The following OPCML variants were observed in gnomAD, a reference collection of about 807,000 sequenced individuals.
The protein encoded by OPCML is opioid binding protein/cell adhesion molecule like.
OPCML carries 13 observed loss-of-function variants against 37.8 expected under a neutral mutation model. The ratio of observed to expected loss-of-function variants is 0.34; its 90% CI spans 0.22 to 0.55. OPCML has a LOEUF of 0.55. OPCML is among the 20% of genes least tolerant of loss of function. OPCML has a pLI of 0.91. For synonymous variants in OPCML, 176 were observed against 168.8 expected (o/e 1.04, Z -0.33); for missense variants, 341 against 435.6 (o/e 0.78, Z 1.93).
At chr11:133,523,816 C>G (rs1948437968) in intron 1 of OPCML, among the ~76,000 whole-genome samples, 1 of 152,148 alleles carries the variant, frequency 6.6e-6, no homozygotes, top group South Asian at 2.1e-4. Flanking sequence ...TTCCTTTGGT[C>G]TTTGCTCTTG....
chr11:132,465,833 C>T (rs1434922828), intron 4 of OPCML, among the ~76,000 whole-genome samples: 3 of 152,040 alleles, frequency 2.0e-5, no homozygotes, highest in Non-Finnish European at 4.4e-5. Flanking sequence ...TTTTGGAATT[C>T]ACTTTGAAGT....
At chr11:132,857,916 G>T (rs1417132065) in intron 2 of OPCML, among the ~76,000 whole-genome samples, 1 of 152,116 alleles carries the variant, frequency 6.6e-6, no homozygotes, top group African/African-American at 2.4e-5. Flanking sequence ...TGTGAGAATT[G>T]CTGCTCTAAG....
intron 4 of OPCML, among the ~76,000 whole-genome samples, chr11:132,489,829 A>C (rs924369156): frequency 6.6e-6 from 1 of 151,852 alleles, no homozygotes; most frequent in Non-Finnish European, 1.5e-5. Flanking sequence ...TGCTCATGCT[A>C]TTCCTCCCCT....
At chr11:132,655,147 G>A (rs1350613420) in intron 3 of OPCML, among the ~76,000 whole-genome samples, 1 of 152,242 alleles carries the variant, frequency 6.6e-6, no homozygotes, top group African/African-American at 2.4e-5. Flanking sequence ...TTCTTGAAAA[G>A]GGATAGGCTT....
chr11:132,662,412 C>CG (rs1942016896), intron 2 of OPCML, among the ~76,000 whole-genome samples: 1 of 119,958 alleles, frequency 8.3e-6, no homozygotes, highest in South Asian at 2.8e-4. Flanking sequence ...TTTGAAAATG[C>CG]AAAAAAAAAA....
At chr11:132,876,658 G>A (rs755347720) in intron 2 of OPCML, among the ~76,000 whole-genome samples, 9 of 152,076 alleles carry the variant, frequency 5.9e-5, no homozygotes, top group Non-Finnish European at 8.8e-5. Flanking sequence ...TAATATAAAT[G>A]TCCCAATGGT....
chr11:132,496,030 T>C (rs946891756), intron 4 of OPCML, among the ~76,000 whole-genome samples: 2 of 151,988 alleles, frequency 1.3e-5, no homozygotes, highest in African/African-American at 4.8e-5. Context: ...AGAATAAAAA[T>C]CAGCCCATGT....
At chr11:132,922,833 G>A (rs954189588) in intron 2 of OPCML, among the ~76,000 whole-genome samples, 3 of 152,138 alleles carry the variant, frequency 2.0e-5, no homozygotes, top group African/African-American at 7.2e-5. Context: ...AGCACTTCGG[G>A]AGGCTGAGGT....
intron 2 of OPCML, among the ~76,000 whole-genome samples, chr11:132,899,937 G>A (rs568969973): frequency 6.6e-6 from 1 of 152,100 alleles, no homozygotes; most frequent in African/African-American, 2.4e-5. Context: ...CCCACCCCAG[G>A]ATCTCAGGCC....
chr11:133,190,385 A>G (rs1399543313), intron 1 of OPCML, among the ~76,000 whole-genome samples: 2 of 152,172 alleles, frequency 1.3e-5, no homozygotes, highest in Admixed American at 6.5e-5. Context: ...TTGAATGACC[A>G]TCACCATGAA....
Position 133,215,234 on chromosome 11 carries a change from G to A in OPCML, c.62-272224C>T, listed in dbSNP as rs1334206871. ...TGTGTGTGTGAGAGAGAGAGAGAGA[G>A]AGGAAGGCCTGATAATTTGAGACTT... On this transcript the variant is annotated intron_variant, in intron 1 of 7. Transcript: ENST00000524381. 9.9e-5 allele frequency among the ~76,000 whole-genome samples: 15 copies of A among 152,156 alleles called. 1 individual carries two copies. Among genetic ancestry groups the A allele is most frequent in the Admixed American group, 9.2e-4 (14 of 15,286 alleles).
chr11:132,979,449 C>A (rs1208374671), intron 1 of OPCML, among the ~76,000 whole-genome samples: 1 of 152,206 alleles, frequency 6.6e-6, no homozygotes, highest in African/African-American at 2.4e-5. Flanking sequence ...TATGAAGTGG[C>A]AGCCACATAT....
chr11:132,520,702 G>GTGTGTGTGTGTGTATA (rs150655288), intron 4 of OPCML, among the ~76,000 whole-genome samples: 1 of 149,612 alleles, frequency 6.7e-6, no homozygotes, highest in East Asian at 2.0e-4. Flanking sequence ...GTGTGTGTGT[G>GTGTGTGTGTGTGTATA]TATGCATATA....
chr11:133,129,151 A>G (rs929494461), intron 1 of OPCML, among the ~76,000 whole-genome samples: 2 of 152,190 alleles, frequency 1.3e-5, no homozygotes, highest in African/African-American at 4.8e-5. Context: ...GGGAGATCAA[A>G]GCAGCTGGAG....
intron 2 of OPCML, among the ~76,000 whole-genome samples, chr11:132,734,607 T>C (rs1329122164): frequency 1.3e-5 from 2 of 152,240 alleles, no homozygotes; most frequent in Non-Finnish European, 2.9e-5. Context: ...GAAACACTTA[T>C]CTAACTTATT....
intron 1 of OPCML, among the ~76,000 whole-genome samples, chr11:133,526,083 G>A (rs1328390890): frequency 6.6e-6 from 1 of 152,250 alleles, no homozygotes; most frequent in African/African-American, 2.4e-5. Flanking sequence ...GAGGTCTGGG[G>A]TGGGGGTGGC....
At chr11:132,953,202 C>A (rs761394094) in intron 1 of OPCML, among the ~76,000 whole-genome samples, 2 of 152,074 alleles carry the variant, frequency 1.3e-5, no homozygotes, top group Admixed American at 6.5e-5. Context: ...TTTTGCTCAT[C>A]CCTGATTCCT....
intron 1 of OPCML, among the ~76,000 whole-genome samples, chr11:133,058,407 G>A (rs923865921): frequency 2.6e-5 from 4 of 152,190 alleles, no homozygotes; most frequent in Non-Finnish European, 5.9e-5. Flanking sequence ...TGGGGCGGGG[G>A]CACGCGGGGT....
chr11:132,472,061 A>G (rs899987689), intron 4 of OPCML, among the ~76,000 whole-genome samples: 2 of 152,176 alleles, frequency 1.3e-5, no homozygotes, highest in African/African-American at 4.8e-5. Flanking sequence ...AATATTCCAC[A>G]TTCAACACTC....
Sources: gnomAD v4.1 joint callset for allele counts (sites outside exome capture counted in the v4.1 genomes callset) on GRCh38, gnomAD v4.1.1 for gene constraint, MANE v1.5 for transcripts, NCBI Gene and HGNC (gene_info 2026-07-23, HGNC 2026-07-21) for gene names.